MGAM: variants seen among roughly 807,000 people sequenced by gnomAD.
The protein encoded by MGAM is maltase-glucoamylase.
Under a neutral mutation model 358.8 loss-of-function variants are expected in MGAM, and 253 were observed. The ratio of observed to expected loss-of-function variants is 0.71; its 90% confidence interval spans 0.64 to 0.78. The LOEUF is 0.78. MGAM is among the 30% of genes least tolerant of loss of function. MGAM has a pLI of 0.00. For synonymous variants in MGAM, 1,105 were observed against 1,227.1 expected, an observed-to-expected ratio of 0.90 and a Z score of 2.08; for missense variants, 3,080 against 3,432.6, an observed-to-expected ratio of 0.90 and a Z score of 2.57.
chr7:142,007,796 A>T (rs1554452939), intron 2 of MGAM, among the ~76,000 whole-genome samples: 1 of 152,038 alleles, frequency 6.6e-6, no homozygotes, highest in East Asian at 1.9e-4. Flanking sequence ...ATCTTTTGTC[A>T]TATAGGACTT....
intron 17 of MGAM, 82 bp from the exon 18 acceptor site, chr7:142,036,741 T>C: frequency 7.0e-7 from 1 of 1,433,386 alleles, no homozygotes; most frequent in Non-Finnish European, 9.6e-7. Flanking sequence ...TTCTTGGTTG[T>C]AATGAATGAG....
chr7:142,095,617 T>G lies in MGAM; in HGVS notation c.7511T>G (p.Val2504Gly), dbSNP rs1815832152. The part of the protein sequence containing the change: ...DVAFVNISRT[V>G]LQTRYTLLPY... ...GCTTTTGTGAATATTTCCAGAACTG[T>G]CCTGCAGACCAGATACACCCTGTTG... Residue 2504 changes from valine to glycine, a missense_variant, in exon 64 of 71, where the codon GTC (valine) becomes GGC (glycine). Physicochemically the swap from Val to Gly is moderately radical, Grantham distance 109. Transcript: ENST00000475668. 6.2e-7 allele frequency: 1 copy of G among 1,613,760 alleles called. No individual in the cohort carries two copies. The highest frequency in any genetic ancestry group is 1.3e-5 in the African/African-American group (1 of 74,924).
chr7:142,074,154 G>T lies in MGAM; in HGVS notation c.5256G>T (p.Trp1752Cys). The part of the protein sequence containing the change: ...ENKEAKGELF[W>C]DDGQTKDTVA... The stretch of plus-strand genomic sequence containing the variant: ...AAGAAGCAAAAGGAGAACTTTTCTG[G>T]GATGATGGGCAAACAAAGGGTGAGC... Residue 1752 changes from tryptophan to cysteine, a missense_variant, in exon 45 of 71, where the codon TGG becomes TGT. This residue lies in a region of MGAM where 932 missense variants were observed against 1,198.2 expected (regional missense o/e 0.78). Coordinates refer to ENST00000475668, the MANE Select transcript of MGAM (RefSeq NM_001365693.1). 6.5e-7 allele frequency: 1 copy of T among 1,539,622 alleles called. No homozygotes were observed.
intron 1 of MGAM, among the ~76,000 whole-genome samples, chr7:142,003,097 T>C (rs945565115): frequency 1.3e-5 from 2 of 152,104 alleles, no homozygotes; most frequent in African/African-American, 4.8e-5. Flanking sequence ...AAACATCCCA[T>C]GTTCAAGGAT....
chr7:142,031,073 C>T (rs550751064), intron 12 of MGAM, among the ~76,000 whole-genome samples: 3 of 152,170 alleles, frequency 2.0e-5, no homozygotes, highest in East Asian at 1.9e-4. Context: ...TCCCTGATAC[C>T]GCTCTGGCAA....
intron 2 of MGAM, among the ~76,000 whole-genome samples, chr7:141,989,610 C>T (rs1283351105): frequency 4.0e-5 from 6 of 150,754 alleles, no homozygotes; most frequent in African/African-American, 1.5e-4. Flanking sequence ...GGATGGAGTG[C>T]AGTGGTGCTA....
chr7:142,073,709 C>T lies in MGAM; in HGVS notation c.5187-376C>T, dbSNP rs1475262103. On this transcript the variant is annotated intron_variant, in intron 44 of 70. Coordinates refer to ENST00000475668, the MANE Select transcript of MGAM (RefSeq NM_001365693.1). ...TGTATCTTCCTCACAGCACTGGACA[C>T]TTCTCCTGAGGGCATCATTGCTAAA... Among the ~76,000 whole-genome samples, 5 of 146,408 alleles carry T rather than the reference C, an allele frequency of 3.4e-5. 2 individuals carry two copies. Among genetic ancestry groups the T allele is most frequent in the Middle Eastern group, 3.5e-3 (1 of 284 alleles).
intron 21 of MGAM, among the ~76,000 whole-genome samples, chr7:142,041,909 ATATATACGTATAATATATAATATATATAT>A (rs1490150508): frequency 1.3e-4 from 5 of 37,786 alleles, no homozygotes; most frequent in African/African-American, 8.1e-4. Flanking sequence ...TATATATTAT[ATATATACGTATAATATATAATATATATAT>A]TATATATATA....
At chr7:142,013,136 T>TC (rs1483237608) in intron 3 of MGAM, among the ~76,000 whole-genome samples, 1 of 152,040 alleles carries the variant, frequency 6.6e-6, no homozygotes, top group Non-Finnish European at 1.5e-5. Flanking sequence ...ATTTTTTTTT[T>TC]CAGAGTAGCA....
At chr7:142,099,910 G>A (rs781173337) in intron 67 of MGAM, among the ~76,000 whole-genome samples, 173 bp downstream of exon 67, 3 of 151,928 alleles carry the variant, frequency 2.0e-5, no homozygotes, top group South Asian at 2.1e-4. Context: ...TATACTCTTC[G>A]ACTAATTATT....
At position 142,095,732 on chromosome 7, in the gene MGAM, TC is replaced by T; in HGVS notation, c.7607+22del. 1 of 1,611,202 alleles carries T rather than the reference TC, an allele frequency of 6.2e-7. No homozygotes were observed. Among genetic ancestry groups the T allele is most frequent in the Non-Finnish European group, 8.5e-7 (1 of 1,178,924 alleles). ...TCCATGAGTGAGTGTCCAGCAGGGATCCCAATGCCTAATGGATGACTTATTG... is the reference window on the plus strand; with the variant it reads ...TCCATGAGTGAGTGTCCAGCAGGGATCCAATGCCTAATGGATGACTTATTG... On this transcript the variant is annotated intron_variant, in intron 64 of 70. Transcript: ENST00000475668.
At chr7:142,093,338 C>T (rs1815574584) in intron 59 of MGAM, 74 bp from the exon 60 acceptor site, 1 of 1,456,466 alleles carries the variant, frequency 6.9e-7, no homozygotes, top group African/African-American at 1.4e-5. Context: ...GATCCAGGGC[C>T]CAGTCCCTTG....
intron 49 of MGAM, among the ~76,000 whole-genome samples, chr7:142,079,317 A>T (rs1201968049): frequency 6.9e-6 from 1 of 145,590 alleles, no homozygotes; most frequent in Non-Finnish European, 1.6e-5. Flanking sequence ...ACTGGAATGA[A>T]GGTGGAGAAC....
At position 142,025,206 on chromosome 7, in the gene MGAM, AC is replaced by A. The variant is rs1806842300; in HGVS notation, c.982+58del. 1.6e-5 allele frequency: 21 copies of A among 1,297,444 alleles called. No individual in the cohort carries two copies. In the South Asian group the frequency reaches 2.4e-4, roughly 15 times the overall value. The allele number at this position is 1,297,444 out of a possible 1,614,324, so 80.4% of individuals were successfully genotyped here. On this transcript the variant is annotated intron_variant, in intron 8 of 70. Coordinates refer to ENST00000475668, the MANE Select transcript of MGAM (RefSeq NM_001365693.1). Reference sequence around the variant, plus strand: ...AAGAGTGATTTTCAGTCCCTTTCTTACAGCACTATGATAAAAGGAATGGATC... The same window carrying A: ...AAGAGTGATTTTCAGTCCCTTTCTTAAGCACTATGATAAAAGGAATGGATC...
intron 10 of MGAM, among the ~76,000 whole-genome samples, chr7:142,029,740 G>C (rs781869720): frequency 2.6e-5 from 4 of 152,118 alleles, no homozygotes; most frequent in Non-Finnish European, 4.4e-5. Flanking sequence ...GATACTATTG[G>C]GAGTGAAATT....
At chr7:142,054,535 C>T (rs1020996152) in intron 26 of MGAM, among the ~76,000 whole-genome samples, 14 of 151,976 alleles carry the variant, frequency 9.2e-5, no homozygotes, top group African/African-American at 3.4e-4. Context: ...AGCAATGTCC[C>T]ATTGAGTTTA....
chr7:142,012,748 T>TAGTTGGTG, intron 3 of MGAM, among the ~76,000 whole-genome samples: 1 of 152,318 alleles, frequency 6.6e-6, no homozygotes, highest in African/African-American at 2.4e-5. Flanking sequence ...TGGTGGTATT[T>TAGTTGGTG]AGTTGGTGGC....
intron 37 of MGAM, among the ~76,000 whole-genome samples, chr7:142,064,973 C>G (rs1812577214): frequency 6.6e-6 from 1 of 152,164 alleles, no homozygotes; most frequent in South Asian, 2.1e-4. Context: ...TCCTGCTTTG[C>G]AAGCTCAATG....
At position 142,095,715 on chromosome 7, in the gene MGAM, T is replaced by TGA; in HGVS notation, c.7607+4_7607+5dup. ...TGTTGTGCGGCCTCTGCTCCATGAG[T>TGA]GAGTGTCCAGCAGGGATCCCAATGC... On this transcript the variant is annotated splice_region_variant and intron_variant, in intron 64 of 70. Transcript: ENST00000475668. 1 of 1,613,756 alleles carries TGA rather than the reference T, an allele frequency of 6.2e-7. No homozygotes were observed. The highest frequency in any genetic ancestry group is 1.1e-5 in the South Asian group (1 of 91,044).
Sources: allele counts gnomAD v4.1 joint callset (sites outside exome capture counted in the v4.1 genomes callset), GRCh38; gene constraint gnomAD v4.1.1; regional missense constraint gnomAD v4.1.1; transcripts MANE v1.5; gene names NCBI Gene and HGNC (gene_info 2026-07-23, HGNC 2026-07-21).